LRP1B: variants seen among roughly 807,000 people sequenced by gnomAD.
LRP1B encodes low-density lipoprotein receptor-related protein 1B.
LRP1B carries 217 observed loss-of-function variants against 556.6 expected under a neutral mutation model. The ratio of observed to expected loss-of-function variants is 0.39; its 90% CI spans 0.35 to 0.44. The LOEUF (loss-of-function observed/expected upper bound fraction) is 0.44. Among genes scored for constraint, LRP1B ranks in the 20% least tolerant of loss-of-function variants. The pLI is 1.00. For missense variants in LRP1B, 5,053 were observed against 5,620.8 expected (o/e 0.90, Z 3.23); for synonymous variants, 2,047 against 1,865.8 (o/e 1.10, Z -2.50).
At chr2:142,104,499 T>C (rs768977995) in intron 1 of LRP1B, among the ~76,000 whole-genome samples, 14 of 152,176 alleles carry the variant, frequency 9.2e-5, no homozygotes, top group African/African-American at 1.4e-4. Flanking sequence ...ATAGTTTCTT[T>C]AAAGCTGGCC....
intron 3 of LRP1B, among the ~76,000 whole-genome samples, chr2:141,326,408 T>C (rs1687431495): frequency 6.6e-6 from 1 of 152,058 alleles, no homozygotes; most frequent in South Asian, 2.1e-4. Context: ...TATTATATTA[T>C]AAAGCAGAAC....
intron 15 of LRP1B, among the ~76,000 whole-genome samples, chr2:140,999,189 T>G (rs1445764851): frequency 6.6e-6 from 1 of 152,092 alleles, no homozygotes; most frequent in Admixed American, 6.6e-5. Flanking sequence ...ATTATTCCCC[T>G]TAATATTTCC....
In LRP1B at chr2:141,972,156, GA is replaced by G. The variant is rs1200103194; in HGVS notation, c.82+158491del. ...TATTTTCCAAATACAAATAATTATT[GA>G]ATAGTGGTTAAGTAGTTTTATTTTA... On this transcript the variant is annotated intron_variant, in intron 1 of 90. Coordinates refer to ENST00000389484, the MANE Select transcript of LRP1B (RefSeq NM_018557.3). 2.0e-5 allele frequency among the ~76,000 whole-genome samples: 3 copies of G among 151,550 alleles called. No homozygotes were observed. In the East Asian group the frequency reaches 5.8e-4, roughly 29 times the overall value.
chr2:140,787,617 C>A (rs976989156), intron 32 of LRP1B, among the ~76,000 whole-genome samples: 6 of 115,410 alleles, frequency 5.2e-5, no homozygotes, highest in African/African-American at 2.1e-4. Flanking sequence ...GTCATTCAGG[C>A]CAGAATGAAG....
intron 41 of LRP1B, among the ~76,000 whole-genome samples, chr2:140,608,435 A>G (rs896365559): frequency 1.3e-5 from 2 of 152,212 alleles, no homozygotes; most frequent in East Asian, 1.9e-4. Context: ...GGATCTGTTA[A>G]GTTTAGGTTC....
chr2:141,726,521 CAT>C (rs913370200), intron 2 of LRP1B, among the ~76,000 whole-genome samples: 43 of 151,966 alleles, frequency 2.8e-4, no homozygotes, highest in Admixed American at 2.8e-3. Context: ...ATTGGGGTAA[CAT>C]GTGAAGCCAA....
intron 1 of LRP1B, among the ~76,000 whole-genome samples, chr2:141,931,018 G>C (rs1277804563): frequency 6.6e-6 from 1 of 151,944 alleles, no homozygotes; most frequent in East Asian, 1.9e-4. Context: ...TTCCCTTGGT[G>C]CTTACATGAC....
chr2:141,763,883 T>A (rs1694643852), intron 2 of LRP1B, among the ~76,000 whole-genome samples: 1 of 65,908 alleles, frequency 1.5e-5, no homozygotes, highest in African/African-American at 4.8e-5. Flanking sequence ...ATATGCTTGA[T>A]AATCCTGAAG....
chr2:141,979,087 T>A (rs1291426374), intron 1 of LRP1B, among the ~76,000 whole-genome samples: 1 of 151,990 alleles, frequency 6.6e-6, no homozygotes, highest in Non-Finnish European at 1.5e-5. Flanking sequence ...GACAATTATT[T>A]CCATGAAGTA....
rs997328504 is a variant in LRP1B, at chr2:141,636,528, T to C, written c.206-155995A>G. Among the ~76,000 whole-genome samples, 5 of 152,158 alleles carry C rather than the reference T, an allele frequency of 3.3e-5. No homozygotes were observed. In the South Asian group the frequency reaches 6.2e-4, roughly 19 times the overall value. On this transcript the variant is annotated intron_variant, in intron 2 of 90. Coordinates refer to ENST00000389484, the MANE Select transcript of LRP1B (RefSeq NM_018557.3). ...TCTACTTGGAAGATAATGTGCAATA[T>C]GTATCAAAATTAGAATTATGTAATT...
intron 1 of LRP1B, among the ~76,000 whole-genome samples, chr2:141,887,929 C>A (rs1699175199): frequency 6.6e-6 from 1 of 152,158 alleles, no homozygotes; most frequent in African/African-American, 2.4e-5. Context: ...ATAGCAACAG[C>A]AAAGAACTCT....
intron 20 of LRP1B, among the ~76,000 whole-genome samples, chr2:140,934,113 A>G (rs1559203375): frequency 6.6e-6 from 1 of 152,112 alleles, no homozygotes; most frequent in Non-Finnish European, 1.5e-5. Flanking sequence ...TAGATATTAT[A>G]CTTCTCTAAA....
At chr2:142,120,302 G>A (rs1179783658) in intron 1 of LRP1B, among the ~76,000 whole-genome samples, 2 of 152,086 alleles carry the variant, frequency 1.3e-5, no homozygotes, top group Non-Finnish European at 2.9e-5. Flanking sequence ...TGTAGAGACA[G>A]GGTTTCACCA....
At chr2:140,481,623 T>TTATTA (rs1477829871) in intron 59 of LRP1B, among the ~76,000 whole-genome samples, 1 of 105,156 alleles carries the variant, frequency 9.5e-6, no homozygotes, top group Non-Finnish European at 2.1e-5. Flanking sequence ...TATTATTATT[T>TTATTA]GGGAACTCCC....
intron 1 of LRP1B, among the ~76,000 whole-genome samples, chr2:141,894,329 C>T (rs1258230163): frequency 1.3e-5 from 2 of 151,736 alleles, no homozygotes; most frequent in African/African-American, 4.8e-5. Flanking sequence ...AAAAATTTTC[C>T]CTCCCTCCCT....
intron 1 of LRP1B, among the ~76,000 whole-genome samples, chr2:141,815,430 T>G (rs565425534): frequency 6.6e-6 from 1 of 152,040 alleles, no homozygotes; most frequent in Admixed American, 6.5e-5. Context: ...TAGCTAGGAT[T>G]ATAAAATTCA....
intron 18 of LRP1B, among the ~76,000 whole-genome samples, chr2:140,969,216 G>A (rs920508480): frequency 6.6e-6 from 1 of 152,174 alleles, no homozygotes; most frequent in Non-Finnish European, 1.5e-5. Context: ...GGGTGCTCCT[G>A]TATTGGGTGC....
chr2:141,449,821 C>T (rs12477094), intron 3 of LRP1B, among the ~76,000 whole-genome samples: 111,520 of 152,122 alleles, frequency 0.73, 41,314 homozygotes, highest in Non-Finnish European at 0.77. Context: ...AAGTATTTCT[C>T]AAATCTACTA....
chr2:141,464,485 T>C (rs1682083770), intron 3 of LRP1B, among the ~76,000 whole-genome samples: 1 of 150,364 alleles, frequency 6.7e-6, no homozygotes, highest in African/African-American at 2.5e-5. Context: ...TGATCTCGGC[T>C]CACTGCAAGC....
Sources: gnomAD v4.1 joint callset for allele counts (sites outside exome capture counted in the v4.1 genomes callset) on GRCh38, gnomAD v4.1.1 for gene constraint, MANE v1.5 for transcripts, NCBI Gene and HGNC (gene_info 2026-07-23, HGNC 2026-07-21) for gene names.